CCDC190: variants seen among roughly 807,000 people sequenced by gnomAD.
The protein encoded by CCDC190 is coiled-coil domain-containing protein 190.
A neutral mutation model predicts 13.1 loss-of-function variants in CCDC190; 10 were observed. The ratio of observed to expected loss-of-function variants is 0.77; its 90% CI spans 0.47 to 1.30. The LOEUF (loss-of-function observed/expected upper bound fraction) is 1.30. CCDC190 is among the 50% of genes most tolerant of loss of function. The probability of loss-of-function intolerance (pLI) is 0.00; values close to 1 mark genes in which losing one functional copy is unlikely to be tolerated. For synonymous variants in CCDC190, 136 were observed against 127.2 expected (o/e 1.07, Z -0.47); for missense variants, 375 against 354.3 (o/e 1.06, Z -0.47).
At chr1:162,863,164 T>C (rs74514526), upstream of CCDC190, among the ~76,000 whole-genome samples, 1 of 152,190 alleles carries the variant, frequency 6.6e-6, no homozygotes, top group Admixed American at 6.5e-5. Flanking sequence ...TTACAGAATA[T>C]ATTTTTAATG....
upstream of CCDC190, among the ~76,000 whole-genome samples, chr1:162,864,962 A>G (rs1398513388): frequency 6.6e-6 from 1 of 152,084 alleles, no homozygotes; most frequent in Non-Finnish European, 1.5e-5. Flanking sequence ...TTCAGATCAA[A>G]TAAAGTAACA....
chr1:162,855,377 A>G lies in CCDC190; in HGVS notation c.312-18T>C. On this transcript the variant is annotated intron_variant, in intron 3 of 3. Coordinates refer to ENST00000367912, the MANE Select transcript of CCDC190 (RefSeq NM_001394065.1). The stretch of plus-strand genomic sequence containing the variant: ...CCAATGCTCTGAGAAAGGACATAAA[A>G]GAAAGATCTCTGAAAACCAATAAAA... The G allele has an allele frequency of 6.4e-7, 1 of 1,574,116 alleles. No individual in the cohort carries two copies. The highest frequency in any genetic ancestry group is 2.2e-5 in the East Asian group (1 of 44,684).
rs967346881 is a variant in CCDC190, at chr1:162,852,843, C to A, written c.*1922G>T. On this transcript the variant is annotated 3_prime_UTR_variant, in exon 4 of 4. Coordinates refer to ENST00000367912, the MANE Select transcript of CCDC190 (RefSeq NM_001394065.1). The stretch of plus-strand genomic sequence containing the variant: ...AAAGACCCACTTAGCAGTGACAAAC[C>A]ATTCACTCAGGACTCAGCCTTGAGG... 10 of 437,184 alleles carry A rather than the reference C, an allele frequency of 2.3e-5. No individual in the cohort carries two copies. The highest frequency in any genetic ancestry group is 6.2e-4 in the Middle Eastern group (1 of 1,608). 27.1% of individuals were successfully genotyped at this position (437,184 alleles called of 1,614,324 possible).
At chr1:162,862,733 C>A (rs1400198935), upstream of CCDC190, among the ~76,000 whole-genome samples, 1 of 152,188 alleles carries the variant, frequency 6.6e-6, no homozygotes, top group African/African-American at 2.4e-5. Flanking sequence ...ATAGGAAGAT[C>A]TCTGCCTCCT....
At chr1:162,866,159 G>A (rs184545494), upstream of CCDC190, among the ~76,000 whole-genome samples, 17 of 152,188 alleles carry the variant, frequency 1.1e-4, no homozygotes, top group East Asian at 2.9e-3. Context: ...TTTATAGGGA[G>A]ATTAAAGAAG....
chr1:162,867,167 G>T lies in CCDC190; in HGVS notation c.-13+1486C>A, dbSNP rs886232132. 2.0e-4 allele frequency among the ~76,000 whole-genome samples: 30 copies of T among 151,924 alleles called. No individual in the cohort carries two copies. The South Asian group carries it at 2.7e-3, about 14-fold the overall frequency. The stretch of plus-strand genomic sequence containing the variant: ...ACGAGGGAAAACAAAAGGCAAGCAA[G>T]AACCTGTTGGAATATATTGACAACG... On this transcript the variant is annotated intron_variant, in intron 1 of 3. Coordinates refer to the CCDC190 transcript ENST00000367910.
rs17435851 is a variant in CCDC190 at position 162,853,317 on chromosome 1, T to A, written c.*1448A>T. 68,357 of 545,548 alleles carry A rather than the reference T, an allele frequency of 0.13. 5,025 individuals are homozygous for A. The highest frequency in any genetic ancestry group is 0.2 in the African/African-American group (10,498 of 52,614). 33.8% of individuals were successfully genotyped at this position (545,548 alleles called of 1,614,324 possible). Reference sequence around the variant, plus strand: ...AGCAAGTTACCACCACTCTTCCCTCTATTTCCTTATCTGTAAAATGGGGAT... The same window carrying A: ...AGCAAGTTACCACCACTCTTCCCTCAATTTCCTTATCTGTAAAATGGGGAT... On this transcript the variant is annotated 3_prime_UTR_variant, in exon 4 of 4. Transcript: ENST00000367912.
upstream of CCDC190, among the ~76,000 whole-genome samples, chr1:162,865,629 T>C (rs1443104315): frequency 2.0e-5 from 3 of 152,132 alleles, no homozygotes; most frequent in Non-Finnish European, 4.4e-5. Flanking sequence ...GATTTGATGT[T>C]TAAAAACCAA....
intron 1 of CCDC190, among the ~76,000 whole-genome samples, chr1:162,868,103 G>T (rs773262609): frequency 6.6e-6 from 1 of 152,116 alleles, no homozygotes; most frequent in Non-Finnish European, 1.5e-5. Context: ...TAATATCATA[G>T]TAAAAGAAAG....
Position 162,853,002 on chromosome 1 carries a change from G to T in CCDC190, c.*1763C>A. The stretch of plus-strand genomic sequence containing the variant: ...ATTCATGTTGGCCCAGGCATGGCTG[G>T]TGCAAATAAATTAAGTTTTTGTGAA... On this transcript the variant is annotated 3_prime_UTR_variant, in exon 4 of 4. Coordinates refer to ENST00000367912, the MANE Select transcript of CCDC190 (RefSeq NM_001394065.1). The T allele has an allele frequency of 6.3e-6, 6 of 953,168 alleles. No homozygotes were observed. Among genetic ancestry groups the T allele is most frequent in the Non-Finnish European group, 9.9e-6 (6 of 608,420 alleles). 59.0% of individuals were successfully genotyped at this position (953,168 alleles called of 1,614,324 possible).
upstream of CCDC190, among the ~76,000 whole-genome samples, chr1:162,861,570 T>G (rs1367930818): frequency 6.6e-6 from 1 of 152,140 alleles, no homozygotes; most frequent in East Asian, 1.9e-4. Flanking sequence ...AGGAGAGAAG[T>G]TAATTTGTTT....
chr1:162,861,689 A>G (rs1412403233), upstream of CCDC190, among the ~76,000 whole-genome samples: 1 of 152,232 alleles, frequency 6.6e-6, no homozygotes, highest in Non-Finnish European at 1.5e-5. Context: ...CACTAAGCAA[A>G]GTAAAATTAA....
intron 2 of CCDC190, among the ~76,000 whole-genome samples, chr1:162,857,617 C>T (rs1418670243): frequency 6.6e-6 from 1 of 152,174 alleles, no homozygotes; most frequent in African/African-American, 2.4e-5. Context: ...TGACAAACTT[C>T]CCGCCCTTTC....
intron 2 of CCDC190, among the ~76,000 whole-genome samples, chr1:162,856,465 C>G (rs765958077): frequency 6.6e-6 from 1 of 152,208 alleles, no homozygotes; most frequent in Non-Finnish European, 1.5e-5. Flanking sequence ...AGTGGATTGT[C>G]TCCTTCACCA....
rs772139595 is a variant in CCDC190, at chr1:162,855,288, C to G, written c.383G>C (p.Gly128Ala). The change falls in exon 4 of 4, where the codon GGC (glycine) becomes GCC (alanine). Residue 128 changes from glycine to alanine, a missense_variant. Transcript: ENST00000367912. Reference sequence around the variant, plus strand: ...TTTGCTCTTCATGGGGTCTTTGAGGCCAGCATCATGTGAAGGAGGCACCTG... The same window carrying G: ...TTTGCTCTTCATGGGGTCTTTGAGGGCAGCATCATGTGAAGGAGGCACCTG... The part of the protein sequence containing the change: ...KSQVPPSHDA[G>A]LKDPMKSKKQ... The G allele has an allele frequency of 1.2e-6, 2 of 1,613,522 alleles. No individual in the cohort carries two copies. Among genetic ancestry groups the G allele is most frequent in the Non-Finnish European group, 1.7e-6 (2 of 1,179,856 alleles).
chr1:162,854,433 G>A lies in CCDC190; in HGVS notation c.*332C>T, dbSNP rs1050386139. 2.2e-4 allele frequency: 235 copies of A among 1,061,936 alleles called. No individual in the cohort carries two copies. The highest frequency in any genetic ancestry group is 4.4e-4 in the Middle Eastern group (1 of 2,252). The allele number at this position is 1,061,936 out of a possible 1,614,324, so 65.8% of individuals were successfully genotyped here. A position where few individuals can be genotyped will look rare whatever the true frequency, so the allele number is the denominator to read the frequency against. On this transcript the variant is annotated 3_prime_UTR_variant, in exon 4 of 4. Transcript: ENST00000367912. ...CCGTTTTGCCAGCAGGTGGCACCAT[G>A]AGAATCTCCTAGAGGAAACAGGAAG...
chr1:162,867,060 A>C (rs2805050), intron 1 of CCDC190, among the ~76,000 whole-genome samples: 130,102 of 151,786 alleles, frequency 0.86, 56,964 homozygotes, highest in Non-Finnish European at 0.96. Context: ...ATATAGCAGA[A>C]AAAAAGACCA....
Position 162,852,977 on chromosome 1 carries a change from A to T in CCDC190, c.*1788T>A. ...GGGGTTCTCTAATTGTTGTATGCCT[A>T]TTCATGTTGGCCCAGGCATGGCTGG... On this transcript the variant is annotated 3_prime_UTR_variant, in exon 4 of 4. Transcript: ENST00000367912. 1.3e-6 allele frequency: 1 copy of T among 740,768 alleles called. No homozygotes were observed. Among genetic ancestry groups the T allele is most frequent in the Non-Finnish European group, 2.3e-6 (1 of 427,936 alleles). 45.9% of individuals were successfully genotyped at this position (740,768 alleles called of 1,614,324 possible). A position where few individuals can be genotyped will look rare whatever the true frequency, so the allele number is the denominator to read the frequency against.
At chr1:162,858,045 C>G (rs1650368038) in intron 2 of CCDC190, among the ~76,000 whole-genome samples, 1 of 152,188 alleles carries the variant, frequency 6.6e-6, no homozygotes, top group Non-Finnish European at 1.5e-5. Flanking sequence ...AATAACAATT[C>G]CATTTAAATG....
Sources: allele counts gnomAD v4.1 joint callset (sites outside exome capture counted in the v4.1 genomes callset), GRCh38; gene constraint gnomAD v4.1.1; transcripts MANE v1.5; gene names NCBI Gene and HGNC (gene_info 2026-07-23, HGNC 2026-07-21).